The following ECE1 variants were observed in gnomAD, a reference collection of about 807,000 sequenced individuals.
ECE1 encodes endothelin-converting enzyme 1.
A neutral mutation model predicts 98.6 loss-of-function variants in ECE1; 35 were observed. The ratio of observed to expected loss-of-function variants is 0.35; its 90% CI spans 0.27 to 0.47. The LOEUF is 0.47. Among genes scored for constraint, ECE1 ranks in the 20% least tolerant of loss-of-function variants. ECE1 has a pLI of 1.00. For missense variants in ECE1, 814 were observed against 1,025.3 expected (o/e 0.79, Z 2.81); for synonymous variants, 394 against 407.1 (o/e 0.97, Z 0.39).
intron 14 of ECE1, among the ~76,000 whole-genome samples, chr1:21,229,031 T>C (rs1239271937): frequency 2.0e-5 from 3 of 151,504 alleles, no homozygotes; most frequent in Admixed American, 1.3e-4. Flanking sequence ...TTAGTAGAGA[T>C]GGGGTTTCAC....
chr1:21,242,203 T>C (rs1460642255), intron 10 of ECE1, among the ~76,000 whole-genome samples: 1 of 152,172 alleles, frequency 6.6e-6, no homozygotes, highest in Non-Finnish European at 1.5e-5. Flanking sequence ...ATTGAGCCCC[T>C]GCCCCAGTGA....
chr1:21,270,930 G>T (rs1351415283), intron 4 of ECE1, among the ~76,000 whole-genome samples: 3 of 152,150 alleles, frequency 2.0e-5, no homozygotes, highest in Non-Finnish European at 4.4e-5. Flanking sequence ...GCCCTGCCAA[G>T]CCCCCAGCTG....
intron 4 of ECE1, among the ~76,000 whole-genome samples, chr1:21,262,728 C>T (rs765900712): frequency 2.6e-5 from 4 of 152,220 alleles, no homozygotes; most frequent in Admixed American, 6.5e-5. Flanking sequence ...AAATTATCAC[C>T]GGGAGGGAGA....
At chr1:21,313,853 C>T (rs763725172) in intron 1 of ECE1, among the ~76,000 whole-genome samples, 4 of 152,160 alleles carry the variant, frequency 2.6e-5, no homozygotes, top group Non-Finnish European at 5.9e-5. Flanking sequence ...AAGAGAGGCA[C>T]TGCCAAGGTA....
At chr1:21,280,017 T>C (rs1467266105) in intron 2 of ECE1, 1 of 152,424 alleles carries the variant, frequency 6.6e-6, no homozygotes, top group African/African-American at 2.4e-5. Flanking sequence ...AATAGCTCCA[T>C]TCAGGTCCTG....
intron 8 of ECE1, among the ~76,000 whole-genome samples, chr1:21,249,808 C>T (rs1232871614): frequency 6.6e-6 from 1 of 152,154 alleles, no homozygotes; most frequent in African/African-American, 2.4e-5. Flanking sequence ...CAGTCTCACT[C>T]TGTTGCCCAC....
At chr1:21,343,324 A>G (rs1237273887) in intron 1 of ECE1, among the ~76,000 whole-genome samples, 4 of 152,212 alleles carry the variant, frequency 2.6e-5, no homozygotes, top group African/African-American at 7.2e-5. Context: ...TAAATGACAG[A>G]CGAAAGTATC....
At position 21,290,446 on chromosome 1, in the gene ECE1, G is replaced by A. The variant is rs769122327; in HGVS notation, c.-32C>T. 99 of 1,221,158 alleles carry A rather than the reference G, an allele frequency of 8.1e-5. No homozygotes were observed. The highest frequency in any genetic ancestry group is 9.3e-5 in the Non-Finnish European group (91 of 981,214). 75.6% of individuals were successfully genotyped at this position (1,221,158 alleles called of 1,614,324 possible). The stretch of plus-strand genomic sequence containing the variant: ...CCCCAGACGCCTGGTCCCGCTGCCC[G>A]GGTGGCCGGGATGGGATGGGCCGGG... On this transcript the variant is annotated 5_prime_UTR_variant, in exon 1 of 19. Coordinates refer to ENST00000374893, the MANE Select transcript of ECE1 (RefSeq NM_001397.3). This position sits in a 1 kb window ranked among gnomAD's most constrained non-coding sequence, Gnocchi z 7.3.
At position 21,245,015 on chromosome 1, in the gene ECE1, T is replaced by C. The variant is rs771586615; in HGVS notation, c.1252A>G (p.Met418Val). The stretch of plus-strand genomic sequence containing the variant: ...TTCTTGGTCCCGTACATGACTTCCA[T>C]GAACTTCTCATCGGCGTCCTGAAAG... ...QRFQDADEKF[M>V]EVMYGTKKTC... The change falls in exon 10 of 19, where the codon ATG becomes GTG. Residue 418 changes from methionine (M) to valine (V), a missense_variant. Transcript: ENST00000374893. 3.1e-6 allele frequency: 5 copies of C among 1,614,164 alleles called. No homozygotes were observed. Among genetic ancestry groups the C allele is most frequent in the African/African-American group, 1.3e-5 (1 of 75,042 alleles).
chr1:21,259,176 C>G (rs2098223746), intron 5 of ECE1, among the ~76,000 whole-genome samples: 1 of 152,190 alleles, frequency 6.6e-6, no homozygotes, highest in Non-Finnish European at 1.5e-5. Flanking sequence ...TATATCAAAA[C>G]ATAAATTCAA....
At position 21,307,089 on chromosome 1, in the gene ECE1, C is replaced by G. The variant is rs1638614407; in HGVS notation, c.4-16933G>C. 6.6e-6 allele frequency among the ~76,000 whole-genome samples: 1 copy of G among 152,186 alleles called. No individual in the cohort carries two copies. The highest frequency in any genetic ancestry group is 2.4e-5 in the African/African-American group (1 of 41,442). ...GGTCCACCGAGGACTCCCTCGTCTC[C>G]CTGCACTCAAGACTCTCCCCTTCCT... On this transcript the variant is annotated intron_variant, in intron 1 of 18. Transcript: ENST00000415912. This position sits in a 1 kb window ranked among gnomAD's most constrained non-coding sequence, Gnocchi z 4.2.
chr1:21,336,668 C>T (rs12086204), intron 1 of ECE1, among the ~76,000 whole-genome samples: 2,492 of 152,226 alleles, frequency 0.016, 69 homozygotes, highest in African/African-American at 0.056. Context: ...ACAGTGAAAC[C>T]CTGTCTCAAC....
In ECE1 at chr1:21,227,199, G is replaced by A. The variant is rs150285231; in HGVS notation, c.1809C>T (p.Val603=). ...PKALNFGGIG[V]VVGHELTHAF... ...CATGAGTCAGCTCATGGCCCACGAC[G>A]ACACCTATGCCACCAAAGTTTAAGG... Residue 603 remains valine (V), a synonymous_variant, in exon 16 of 19, where the codon GTC becomes GTT. Transcript: ENST00000374893. 2.6e-5 allele frequency: 42 copies of A among 1,614,102 alleles called. No homozygotes were observed. The highest frequency in any genetic ancestry group is 2.7e-5 in the African/African-American group (2 of 75,042).
intron 1 of ECE1, among the ~76,000 whole-genome samples, chr1:21,331,228 C>T (rs1383107244): frequency 6.6e-6 from 1 of 152,026 alleles, no homozygotes; most frequent in East Asian, 1.9e-4. Flanking sequence ...CATGGTGAAA[C>T]CCCATCTCTA....
Position 21,260,588 on chromosome 1 carries a change from C to T in ECE1, c.494-196G>A, listed in dbSNP as rs551066391. On this transcript the variant is annotated intron_variant, in intron 4 of 18. Transcript: ENST00000374893. This position sits in a 1 kb window ranked among gnomAD's most constrained non-coding sequence, Gnocchi z 4.3. ...TGGACAGAGCCTGGCAAGCTGAAGG[C>T]GCTCCCGAAATTTTGCTGACTGCAA... Among the ~76,000 whole-genome samples, 10 of 152,224 alleles carry T rather than the reference C, an allele frequency of 6.6e-5. No homozygotes were observed. The highest frequency in any genetic ancestry group is 6.2e-4 in the South Asian group (3 of 4,820).
chr1:21,289,920 G>C (rs28367914), intron 2 of ECE1, 150 bp downstream of exon 2: 3 of 1,033,732 alleles, frequency 2.9e-6, no homozygotes, highest in Non-Finnish European at 3.8e-6. Flanking sequence ...CTCCAGCTGC[G>C]GGGAGGCGCG....
chr1:21,264,316 C>CT (rs1221122957), intron 4 of ECE1, among the ~76,000 whole-genome samples: 2 of 80,118 alleles, frequency 2.5e-5, no homozygotes, highest in Admixed American at 1.2e-4. Context: ...AATTCCCCCC[C>CT]CCCCTTTTTT....
At chr1:21,313,173 C>T (rs975117883) in intron 1 of ECE1, among the ~76,000 whole-genome samples, 2 of 152,164 alleles carry the variant, frequency 1.3e-5, no homozygotes, top group Non-Finnish European at 1.5e-5. Context: ...GCCCACAATG[C>T]CAAGGCCAAC....
rs555770780 is a variant in ECE1, at chr1:21,298,323, C to T, written c.4-8167G>A. On this transcript the variant is annotated intron_variant, in intron 1 of 18. Transcript: ENST00000415912. ...CGCGCTTTCCTCCAGGCAGCTCTCTCGGGCTTCGCAGTGACCCTTCCTCGG... is the reference window on the plus strand; with the variant it reads ...CGCGCTTTCCTCCAGGCAGCTCTCTTGGGCTTCGCAGTGACCCTTCCTCGG... The T allele has an allele frequency of 1.1e-4, 21 of 182,806 alleles. No homozygotes were observed. The South Asian group carries it at 1.2e-3, about 10-fold the overall frequency. The allele number at this position is 182,806 out of a possible 1,614,324, so 11.3% of individuals were successfully genotyped here.
Sources: allele counts gnomAD v4.1 joint callset (sites outside exome capture counted in the v4.1 genomes callset), GRCh38; gene constraint gnomAD v4.1.1; non-coding constraint Gnocchi (gnomAD v3.1); transcripts MANE v1.5; gene names NCBI Gene and HGNC (gene_info 2026-07-23, HGNC 2026-07-21).